PCDH7: variants seen among roughly 807,000 people sequenced by gnomAD.
PCDH7 encodes the protein protocadherin-7.
Under a neutral mutation model 58.9 loss-of-function variants are expected in PCDH7, and 17 were observed. The ratio of observed to expected loss-of-function variants is 0.29; its 90% CI spans 0.20 to 0.43. The LOEUF (loss-of-function observed/expected upper bound fraction) is 0.43. PCDH7 is among the 20% of genes least tolerant of loss of function. PCDH7 has a pLI of 1.00. For missense variants in PCDH7, 1,274 were observed against 1,441.0 expected (o/e 0.88, Z 1.88); for synonymous variants, 664 against 616.4 (o/e 1.08, Z -1.14).
chr4:30,877,463 C>A (rs919396315), intron 1 of PCDH7, among the ~76,000 whole-genome samples: 1 of 152,122 alleles, frequency 6.6e-6, no homozygotes, highest in Non-Finnish European at 1.5e-5. Context: ...AAAGACATGC[C>A]TAAGGCAACC....
chr4:30,968,393 T>G (rs1186853498), intron 3 of PCDH7, among the ~76,000 whole-genome samples: 1 of 53,674 alleles, frequency 1.9e-5, no homozygotes, highest in Non-Finnish European at 3.2e-5. Context: ...TATATATATA[T>G]ATATATATAT....
intron 2 of PCDH7, among the ~76,000 whole-genome samples, chr4:30,935,809 A>G (rs1745269492): frequency 6.6e-6 from 1 of 152,124 alleles, no homozygotes; most frequent in Non-Finnish European, 1.5e-5. Flanking sequence ...TTAAACTGCT[A>G]ATTATGCCAA....
chr4:30,919,014 T>C (rs533275546), intron 1 of PCDH7, among the ~76,000 whole-genome samples: 3 of 152,256 alleles, frequency 2.0e-5, no homozygotes, highest in Admixed American at 6.5e-5. Flanking sequence ...TCATGAACAT[T>C]CAAGTTATAA....
chr4:30,922,310 TTTTG>T (rs1743289565), intron 2 of PCDH7, among the ~76,000 whole-genome samples: 1 of 151,938 alleles, frequency 6.6e-6, no homozygotes, highest in Non-Finnish European at 1.5e-5. Context: ...GAACATATAA[TTTTG>T]TTTGTGTTTT....
intron 3 of PCDH7, among the ~76,000 whole-genome samples, chr4:30,969,095 G>T (rs1749310566): frequency 1.3e-5 from 2 of 152,168 alleles, no homozygotes. Flanking sequence ...GGAACAAAGA[G>T]CCATTTCAGC....
chr4:30,765,578 A>G (rs1276299556), intron 1 of PCDH7, among the ~76,000 whole-genome samples: 2 of 152,194 alleles, frequency 1.3e-5, no homozygotes, highest in African/African-American at 2.4e-5. Flanking sequence ...CAGATAATCT[A>G]TGGGCCAAGG....
chr4:30,802,208 C>T (rs1725612342), intron 1 of PCDH7, among the ~76,000 whole-genome samples: 2 of 152,138 alleles, frequency 1.3e-5, no homozygotes, highest in South Asian at 4.1e-4. Context: ...AGCCAAACTC[C>T]ATCATTCAGA....
At position 31,142,355 on chromosome 4, in the gene PCDH7, G is replaced by A. The variant is rs576506680; in HGVS notation, c.*8-118G>A. ...TGGAATGATGAGCTAGAGGGTGTTG[G>A]GAAATGAGAAATAAGATGGTAAGGA... is the stretch of plus-strand genomic sequence containing the variant. On this transcript the variant is annotated intron_variant, in intron 3 of 3. Coordinates refer to the PCDH7 transcript ENST00000509759. 8 of 969,512 alleles carry A rather than the reference G, an allele frequency of 8.3e-6. No homozygotes were observed. In the Admixed American group the frequency reaches 1.1e-4, roughly 13 times the overall value. 60.1% of individuals were successfully genotyped at this position (969,512 alleles called of 1,614,324 possible). A position where few individuals can be genotyped will look rare whatever the true frequency, so the allele number is the denominator to read the frequency against.
At chr4:30,728,193 G>T (rs1314015779) in intron 1 of PCDH7, among the ~76,000 whole-genome samples, 1 of 150,950 alleles carries the variant, frequency 6.6e-6, no homozygotes, top group Non-Finnish European at 1.5e-5. Context: ...GGAAGCAAAT[G>T]GTTGACTTGC....
At chr4:30,732,370 A>G (rs1715636377) in exon 2 of PCDH7, 1 of 152,210 alleles carries the variant, frequency 6.6e-6, no homozygotes, top group Admixed American at 6.5e-5. Context: ...GTAACAAGTC[A>G]TATCAACTCA....
chr4:31,041,244 A>G lies in PCDH7; in HGVS notation c.*7+91029A>G, dbSNP rs556378929. ...GTGTCTCTTCTCATGGGAGTTACCT[A>G]GTGTATGGTACTGTCTAACTGCTTT... is the stretch of plus-strand genomic sequence containing the variant. On this transcript the variant is annotated intron_variant, in intron 3 of 3. Transcript: ENST00000509759. Among the ~76,000 whole-genome samples the G allele has an allele frequency of 1.1e-3, 163 of 152,264 alleles. 1 individual carries two copies. Among genetic ancestry groups the G allele is most frequent in the Middle Eastern group, 3.4e-3 (1 of 294 alleles).
At chr4:31,005,835 C>A (rs1752727893) in intron 3 of PCDH7, among the ~76,000 whole-genome samples, 1 of 152,014 alleles carries the variant, frequency 6.6e-6, no homozygotes, top group Admixed American at 6.5e-5. Flanking sequence ...GTTTTATAGC[C>A]CACTTCTATC....
At chr4:31,061,428 G>A (rs548522314) in intron 3 of PCDH7, among the ~76,000 whole-genome samples, 1 of 151,532 alleles carries the variant, frequency 6.6e-6, no homozygotes, top group African/African-American at 2.4e-5. Flanking sequence ...TTTTCTTCTA[G>A]AGAGTTAATC....
At chr4:31,025,698 G>T (rs1343709691) in intron 3 of PCDH7, among the ~76,000 whole-genome samples, 2 of 152,032 alleles carry the variant, frequency 1.3e-5, no homozygotes, top group Non-Finnish European at 2.9e-5. Context: ...AGTGCTTCTT[G>T]TTCTTTCCCA....
intron 1 of PCDH7, among the ~76,000 whole-genome samples, chr4:30,851,190 G>T (rs1390983182): frequency 6.6e-6 from 1 of 151,820 alleles, no homozygotes; most frequent in Non-Finnish European, 1.5e-5. Context: ...ATGCATTTGT[G>T]TTGAGGTATC....
At chr4:30,735,114 C>A (rs150399650), downstream of PCDH7, among the ~76,000 whole-genome samples, 564 of 152,210 alleles carry the variant, frequency 3.7e-3, 4 homozygotes, top group African/African-American at 0.013. Context: ...GTACAGTACA[C>A]TTTGACATTT....
intron 3 of PCDH7, among the ~76,000 whole-genome samples, chr4:30,984,877 T>A (rs895857798): frequency 1.3e-4 from 20 of 152,176 alleles, no homozygotes; most frequent in African/African-American, 4.8e-4. Context: ...AAATTTTAGT[T>A]ACATTTGTTT....
At chr4:31,139,313 T>C (rs1212694133) in intron 3 of PCDH7, among the ~76,000 whole-genome samples, 3 of 152,188 alleles carry the variant, frequency 2.0e-5, no homozygotes, top group Admixed American at 1.3e-4. Context: ...TTCATTTGTA[T>C]TGATTTACTC....
chr4:31,014,845 A>G (rs1560576915), intron 3 of PCDH7, among the ~76,000 whole-genome samples: 1 of 152,012 alleles, frequency 6.6e-6, no homozygotes, highest in East Asian at 1.9e-4. Context: ...CTCTCACTTG[A>G]TTTTAAGTTC....
Sources: allele counts gnomAD v4.1 joint callset (sites outside exome capture counted in the v4.1 genomes callset), GRCh38; gene constraint gnomAD v4.1.1; transcripts MANE v1.5; gene names NCBI Gene and HGNC (gene_info 2026-07-23, HGNC 2026-07-21).